Variants in MCF2L2 observed in about 807,000 individuals in gnomAD.
MCF2L2 encodes probable guanine nucleotide exchange factor MCF2L2.
In MCF2L2, 102 loss-of-function variants were observed where a neutral mutation model predicts 150.2. The ratio of observed to expected loss-of-function variants is 0.68; its 90% CI spans 0.58 to 0.80. The LOEUF is 0.80. Ranked by LOEUF, MCF2L2 falls within the 30% of genes least tolerant of loss-of-function variation. MCF2L2 has a pLI of 0.00. For missense variants in MCF2L2, 1,256 were observed against 1,372.8 expected, an observed-to-expected ratio of 0.91 and a Z score of 1.34; for synonymous variants, 465 against 491.3, an observed-to-expected ratio of 0.95 and a Z score of 0.71.
At chr3:183,262,871 G>T (rs1024267611) in intron 15 of MCF2L2, among the ~76,000 whole-genome samples, 1 of 152,076 alleles carries the variant, frequency 6.6e-6, no homozygotes, top group African/African-American at 2.4e-5. Flanking sequence ...TGCCTGCCTG[G>T]TAAGTCCCAT....
At chr3:183,273,095 AAAG>A (rs200947833) in intron 15 of MCF2L2, 20,430 of 1,362,206 alleles carry the variant, frequency 0.015, 200 homozygotes, top group Middle Eastern at 0.026. Context: ...ACCTTTTAAA[AAAG>A]AAGGAAAAAA....
At chr3:183,400,448 G>C (rs1023819148) in intron 1 of MCF2L2, 2 of 456,506 alleles carry the variant, frequency 4.4e-6, no homozygotes, top group South Asian at 3.1e-5. Flanking sequence ...TGTAAGGTGA[G>C]TATCTAGGAT....
At chr3:183,353,837 A>G (rs1048368766) in intron 3 of MCF2L2, among the ~76,000 whole-genome samples, 1 of 152,160 alleles carries the variant, frequency 6.6e-6, no homozygotes, top group Non-Finnish European at 1.5e-5. Context: ...GTGTCCAGAA[A>G]ATAAGGCAGC....
chr3:183,214,496 A>G (rs549749081), intron 22 of MCF2L2, among the ~76,000 whole-genome samples: 1 of 152,194 alleles, frequency 6.6e-6, no homozygotes, highest in Non-Finnish European at 1.5e-5. Flanking sequence ...AAGTAAAAAT[A>G]ACTCATTTTT....
At chr3:183,356,982 A>C (rs2108560298) in intron 3 of MCF2L2, among the ~76,000 whole-genome samples, 1 of 152,376 alleles carries the variant, frequency 6.6e-6, no homozygotes, top group South Asian at 2.1e-4. Flanking sequence ...CTAGAACCTA[A>C]AAATGTATAG....
At chr3:183,272,897 T>C in intron 15 of MCF2L2, 1 of 1,326,120 alleles carries the variant, frequency 7.5e-7, no homozygotes, top group Non-Finnish European at 9.7e-7. Context: ...AAACAATTAT[T>C]TATTTGCTGA....
At chr3:183,381,373 C>T (rs1286170246) in intron 2 of MCF2L2, among the ~76,000 whole-genome samples, 1 of 152,192 alleles carries the variant, frequency 6.6e-6, no homozygotes, top group Non-Finnish European at 1.5e-5. Context: ...CCAGCCCACT[C>T]TGAGAGTCCA....
chr3:183,357,318 CT>C (rs1711847049), intron 3 of MCF2L2, among the ~76,000 whole-genome samples: 1 of 151,966 alleles, frequency 6.6e-6, no homozygotes, highest in South Asian at 2.1e-4. Flanking sequence ...AACAGAACTA[CT>C]TCTTGAGCTC....
At chr3:183,255,087 T>G (rs1414719073) in intron 15 of MCF2L2, among the ~76,000 whole-genome samples, 1 of 152,236 alleles carries the variant, frequency 6.6e-6, no homozygotes, top group East Asian at 1.9e-4. Flanking sequence ...ATGGTAATTA[T>G]CTGATGAAAG....
At chr3:183,341,662 A>G in intron 3 of MCF2L2, 32 bp from the exon 4 acceptor site, 3 of 1,471,686 alleles carry the variant, frequency 2.0e-6, no homozygotes, top group Non-Finnish European at 2.9e-6. Flanking sequence ...GTCAGAGATT[A>G]GGTGAGACCC....
intron 10 of MCF2L2, 32 bp from the exon 11 acceptor site, chr3:183,300,228 G>GC (rs781378343): frequency 6.4e-7 from 1 of 1,567,528 alleles, no homozygotes; most frequent in Non-Finnish European, 8.6e-7. Flanking sequence ...CCAGGCGTCA[G>GC]AAGTCAGAGC....
chr3:183,366,001 T>G lies in MCF2L2; in HGVS notation c.275+13296A>C, dbSNP rs181366964. On this transcript the variant is annotated intron_variant, in intron 3 of 29. Transcript: ENST00000328913. ...AGTAAAAAGTAAAGTGATAAAGAGATGAAAAATAGAAACAGAAACAGAAAA... is the reference window on the plus strand; with the variant it reads ...AGTAAAAAGTAAAGTGATAAAGAGAGGAAAAATAGAAACAGAAACAGAAAA... 4.9e-3 allele frequency among the ~76,000 whole-genome samples: 736 copies of G among 150,014 alleles called. 5 individuals carry two copies. The highest frequency in any genetic ancestry group is 0.017 in the African/African-American group (692 of 40,296).
intron 5 of MCF2L2, among the ~76,000 whole-genome samples, chr3:183,331,992 C>A (rs543319812): frequency 1.3e-5 from 2 of 152,154 alleles, no homozygotes; most frequent in African/African-American, 2.4e-5. Context: ...ACCAGTCACA[C>A]AAAATAAACT....
intron 1 of MCF2L2, among the ~76,000 whole-genome samples, chr3:183,393,005 A>ACTTGAT (rs1714246540): frequency 2.0e-5 from 3 of 152,162 alleles, no homozygotes; most frequent in African/African-American, 7.2e-5. Context: ...CAGGGCAAGT[A>ACTTGAT]CACTCTGAGT....
At chr3:183,415,840 T>A (rs997003028) in intron 1 of MCF2L2, among the ~76,000 whole-genome samples, 1 of 152,198 alleles carries the variant, frequency 6.6e-6, no homozygotes, top group Non-Finnish European at 1.5e-5. Flanking sequence ...CCTGACAATT[T>A]CTGCCTTTTG....
chr3:183,351,320 G>A (rs1219544682), intron 3 of MCF2L2, among the ~76,000 whole-genome samples: 1 of 148,666 alleles, frequency 6.7e-6, no homozygotes, highest in African/African-American at 2.5e-5. Context: ...AAGTAGCTGG[G>A]ACTACAGGTC....
intron 15 of MCF2L2, among the ~76,000 whole-genome samples, chr3:183,255,572 T>A (rs1267404016): frequency 6.6e-6 from 1 of 152,146 alleles, no homozygotes; most frequent in Non-Finnish European, 1.5e-5. Flanking sequence ...ACCAGTGTTA[T>A]CACAGGAAAG....
intron 25 of MCF2L2, among the ~76,000 whole-genome samples, chr3:183,199,891 C>T (rs1722212625): frequency 6.6e-6 from 1 of 151,062 alleles, no homozygotes; most frequent in Non-Finnish European, 1.5e-5. Flanking sequence ...GTTTTCTGTC[C>T]TTGCGATAGT....
chr3:183,302,712 T>C (rs765655446), intron 10 of MCF2L2, among the ~76,000 whole-genome samples: 17 of 152,062 alleles, frequency 1.1e-4, no homozygotes, highest in South Asian at 2.1e-4. Context: ...TTCTCTGGAT[T>C]GTTCTTCCCT....
Sources: allele counts gnomAD v4.1 joint callset (sites outside exome capture counted in the v4.1 genomes callset), GRCh38; gene constraint gnomAD v4.1.1; transcripts MANE v1.5; gene names NCBI Gene and HGNC (gene_info 2026-07-23, HGNC 2026-07-21).